Variants in FBLN2 observed in about 807,000 individuals in gnomAD.
FBLN2 encodes the protein fibulin 2.
FBLN2 carries 81 observed loss-of-function variants against 123.7 expected under a neutral mutation model. That is an observed-to-expected ratio of 0.65 (90% CI 0.55 to 0.79). The LOEUF (loss-of-function observed/expected upper bound fraction) is 0.79. FBLN2 is among the 30% of genes least tolerant of loss of function. The probability of loss-of-function intolerance (pLI) is 0.00; values close to 1 mark genes in which losing one functional copy is unlikely to be tolerated. For synonymous variants in FBLN2, 699 were observed against 701.4 expected (o/e 1.00, Z 0.05); for missense variants, 1,603 against 1,681.3 (o/e 0.95, Z 0.81).
intron 1 of FBLN2, among the ~76,000 whole-genome samples, chr3:13,569,647 C>T (rs1209153144): frequency 6.6e-6 from 1 of 152,066 alleles, no homozygotes; most frequent in Non-Finnish European, 1.5e-5. Context: ...GGGGCTAAGC[C>T]TGCAGTCCCG....
At chr3:13,596,456 G>T (rs528241911) in intron 2 of FBLN2, among the ~76,000 whole-genome samples, 2 of 152,366 alleles carry the variant, frequency 1.3e-5, no homozygotes, top group South Asian at 4.1e-4. Context: ...TGATGCTCCT[G>T]TTTGTGTTCA....
chr3:13,588,193 C>A (rs186551265), intron 2 of FBLN2, among the ~76,000 whole-genome samples: 1 of 152,288 alleles, frequency 6.6e-6, no homozygotes, highest in East Asian at 1.9e-4. Flanking sequence ...AAATACTTAC[C>A]ATTGTGTTCC....
intron 9 of FBLN2, among the ~76,000 whole-genome samples, chr3:13,624,501 C>G (rs1206172508): frequency 6.6e-6 from 1 of 152,238 alleles, no homozygotes; most frequent in Non-Finnish European, 1.5e-5. Flanking sequence ...TTCCCTTTCC[C>G]TCCTCCCCAT....
At chr3:13,569,616 A>G (rs1163150261) in intron 1 of FBLN2, among the ~76,000 whole-genome samples, 1 of 150,806 alleles carries the variant, frequency 6.6e-6, no homozygotes, top group Non-Finnish European at 1.5e-5. Flanking sequence ...GCTACTGGGG[A>G]GGGGGACAGG....
In FBLN2 at chr3:13,629,269, A is replaced by C; in HGVS notation, c.2819A>C (p.Asp940Ala). The C allele has an allele frequency of 6.2e-7, 1 of 1,611,734 alleles. No homozygotes were observed. The highest frequency in any genetic ancestry group is 8.5e-7 in the Non-Finnish European group (1 of 1,179,336). The change falls in exon 13 of 18, where the codon GAT becomes GCT. Residue 940 changes from aspartate (D) to alanine (A), a missense_variant. Transcript: ENST00000404922. ...GACTGCAAAGCCGGCTTTCAGCGGG[A>C]TGCCTTTGGCCGGGGCTGCATCGGT... ...RCDCKAGFQR[D>A]AFGRGCIDVN...
intron 4 of FBLN2, 28 bp downstream of exon 4, chr3:13,609,670 A>ATGGTGG: frequency 1.4e-5 from 1 of 71,452 alleles, no homozygotes; most frequent in South Asian, 9.2e-5. Flanking sequence ...CCTTCAAGGC[A>ATGGTGG]GGGTGGGGTG....
rs1464428052 is a variant in FBLN2, at chr3:13,636,430, C to G, written c.3215-15C>G. Reference sequence around the variant, plus strand: ...CAGCTGTGGGGACCCTGCCATTGCCCCTCTTCTCCCCCAGACGTGGATGAG... The same window carrying G: ...CAGCTGTGGGGACCCTGCCATTGCCGCTCTTCTCCCCCAGACGTGGATGAG... On this transcript the variant is annotated splice_polypyrimidine_tract_variant and intron_variant, in intron 16 of 17. Transcript: ENST00000404922. 1 of 1,612,866 alleles carries G rather than the reference C, an allele frequency of 6.2e-7. No homozygotes were observed. The highest frequency in any genetic ancestry group is 8.5e-7 in the Non-Finnish European group (1 of 1,179,340).
Position 13,637,623 on chromosome 3 carries a change from A to G in FBLN2, c.3400A>G (p.Thr1134Ala). The G allele has an allele frequency of 6.2e-7, 1 of 1,613,902 alleles. No individual in the cohort carries two copies. The highest frequency in any genetic ancestry group is 8.5e-7 in the Non-Finnish European group (1 of 1,179,838). Residue 1134 changes from threonine to alanine, a missense_variant, in exon 18 of 18, where the codon ACG becomes GCG. Physicochemically the swap from Thr to Ala is moderately conservative, Grantham distance 58. Coordinates refer to ENST00000404922, the MANE Select transcript of FBLN2 (RefSeq NM_001004019.2). ...LECQNSPARITHYQLNFQTGL... is the reference protein window; with the variant it reads ...LECQNSPARIAHYQLNFQTGL... Reference sequence around the variant, plus strand: ...GTGCCAGAACTCGCCAGCGCGCATCACGCACTACCAGCTCAACTTCCAGAC... The same window carrying G: ...GTGCCAGAACTCGCCAGCGCGCATCGCGCACTACCAGCTCAACTTCCAGAC...
At chr3:13,567,638 G>A (rs1018264309) in intron 1 of FBLN2, among the ~76,000 whole-genome samples, 3 of 152,210 alleles carry the variant, frequency 2.0e-5, no homozygotes, top group South Asian at 2.1e-4. Flanking sequence ...GATTACAGGC[G>A]TGAGCCACCT....
At chr3:13,632,960 A>C (rs1706308021) in intron 16 of FBLN2, among the ~76,000 whole-genome samples, 2 of 152,262 alleles carry the variant, frequency 1.3e-5, no homozygotes, top group African/African-American at 4.8e-5. Flanking sequence ...TGTGACACCA[A>C]GGCCCTGTTC....
chr3:13,594,854 G>C (rs966213426), intron 2 of FBLN2, among the ~76,000 whole-genome samples: 1 of 152,210 alleles, frequency 6.6e-6, no homozygotes, highest in Non-Finnish European at 1.5e-5. Flanking sequence ...TTGGGGAAGG[G>C]GCCAGAGGGG....
intron 9 of FBLN2, among the ~76,000 whole-genome samples, chr3:13,624,512 T>A (rs1705957816): frequency 6.6e-6 from 1 of 152,186 alleles, no homozygotes; most frequent in Admixed American, 6.5e-5. Context: ...TCCTCCCCAT[T>A]CCCAGCCATC....
chr3:13,596,437 C>T (rs1559412577), intron 2 of FBLN2, among the ~76,000 whole-genome samples: 1 of 152,258 alleles, frequency 6.6e-6, no homozygotes, highest in Non-Finnish European at 1.5e-5. Flanking sequence ...GCAGGTGCAT[C>T]AGAATCTGTG....
chr3:13,553,257 G>C (rs888035677), intron 1 of FBLN2, among the ~76,000 whole-genome samples: 1 of 152,212 alleles, frequency 6.6e-6, no homozygotes, highest in Non-Finnish European at 1.5e-5. Flanking sequence ...AGCAGAGGAG[G>C]CGCGGCCAGA....
intron 5 of FBLN2, among the ~76,000 whole-genome samples, chr3:13,616,328 C>T (rs979637085): frequency 6.6e-6 from 1 of 152,146 alleles, no homozygotes; most frequent in Non-Finnish European, 1.5e-5. Flanking sequence ...AGTAGGTGGG[C>T]AACAGAGCCA....
chr3:13,610,230 A>G (rs1705345754), intron 4 of FBLN2, among the ~76,000 whole-genome samples: 1 of 152,160 alleles, frequency 6.6e-6, no homozygotes, highest in South Asian at 2.1e-4. Context: ...GCTGGAGTGC[A>G]TCGAGTGACA....
intron 5 of FBLN2, among the ~76,000 whole-genome samples, chr3:13,615,834 C>G (rs539679315): frequency 4.6e-5 from 7 of 152,328 alleles, no homozygotes; most frequent in Admixed American, 4.6e-4. Context: ...TCTGCCCCAG[C>G]CTTCCTGATG....
At chr3:13,584,502 T>C (rs1704435089) in intron 2 of FBLN2, among the ~76,000 whole-genome samples, 1 of 152,194 alleles carries the variant, frequency 6.6e-6, no homozygotes. Flanking sequence ...TGCAGGTTAC[T>C]GTGCAGTACC....
At chr3:13,566,894 C>T (rs1456742795) in intron 1 of FBLN2, among the ~76,000 whole-genome samples, 1 of 152,248 alleles carries the variant, frequency 6.6e-6, no homozygotes, top group Non-Finnish European at 1.5e-5. Context: ...GGTGGGCCCC[C>T]GACTATGACC....
Sources: allele counts gnomAD v4.1 joint callset (sites outside exome capture counted in the v4.1 genomes callset), GRCh38; gene constraint gnomAD v4.1.1; transcripts MANE v1.5; gene names NCBI Gene and HGNC (gene_info 2026-07-23, HGNC 2026-07-21).